IRAG2: variants seen among roughly 807,000 people sequenced by gnomAD.
IRAG2 encodes the protein lymphoid restricted membrane protein.
IRAG2 carries 45 observed loss-of-function variants against 69.9 expected under a neutral mutation model. That is an observed-to-expected ratio of 0.64 (90% CI 0.51 to 0.83). The LOEUF (loss-of-function observed/expected upper bound fraction) is 0.83. IRAG2 is among the 40% of genes least tolerant of loss of function. The pLI is 0.00. For missense variants in IRAG2, 520 were observed against 587.0 expected (o/e 0.89, Z 1.18); for synonymous variants, 193 against 202.4 (o/e 0.95, Z 0.40).
chr12:25,044,114 A>T (rs1049112279), intron 16 of IRAG2, among the ~76,000 whole-genome samples: 1 of 152,162 alleles, frequency 6.6e-6, no homozygotes, highest in African/African-American at 2.4e-5. Flanking sequence ...AACTAAAAAT[A>T]TGTAAATTAT....
At chr12:25,105,967 T>C (rs888322241) in intron 20 of IRAG2, among the ~76,000 whole-genome samples, 1 of 145,654 alleles carries the variant, frequency 6.9e-6, no homozygotes, top group Admixed American at 6.6e-5. Context: ...GGAACAATTA[T>C]GTTTTGCTTA....
At chr12:25,040,329 G>A (rs537984573) in intron 16 of IRAG2, among the ~76,000 whole-genome samples, 53 of 152,122 alleles carry the variant, frequency 3.5e-4, no homozygotes, top group Non-Finnish European at 6.8e-4. Context: ...GCAACATAGC[G>A]AGACCCTGTC....
intron 1 of IRAG2, among the ~76,000 whole-genome samples, chr12:25,057,036 T>C (rs183446442): frequency 6.6e-6 from 1 of 152,196 alleles, no homozygotes; most frequent in Non-Finnish European, 1.5e-5. Context: ...ACATTTGCCT[T>C]TCACCCCACC....
chr12:25,057,684 C>G (rs571532533), intron 1 of IRAG2, among the ~76,000 whole-genome samples: 16 of 152,100 alleles, frequency 1.1e-4, no homozygotes, highest in African/African-American at 3.6e-4. Flanking sequence ...GTTCAGATCT[C>G]GAGTATACTA....
At chr12:25,032,378 A>G (rs550065591) in intron 12 of IRAG2, 1 of 399,040 alleles carries the variant, frequency 2.5e-6, no homozygotes, top group East Asian at 3.6e-5. Context: ...ACGTAAGTAG[A>G]GGGCAACCCT....
rs187747079 is a variant in IRAG2 at position 25,041,196 on chromosome 12, G to T, written c.2144+3059G>T. ...GAAGCCGCCATGGCTGGGGCAGGGT[G>T]GGGGGTAAGCAGTGGTAGGATGTGG... On this transcript the variant is annotated intron_variant, in intron 16 of 38. Transcript: ENST00000636465. 2.3e-3 allele frequency among the ~76,000 whole-genome samples: 352 copies of T among 152,202 alleles called. 1 individual carries two copies. The highest frequency in any genetic ancestry group is 8.0e-3 in the African/African-American group (334 of 41,506).
chr12:25,080,753 G>A (rs1388430163), intron 9 of IRAG2, among the ~76,000 whole-genome samples: 1 of 151,970 alleles, frequency 6.6e-6, no homozygotes, highest in Admixed American at 6.5e-5. Context: ...CCATTTCATG[G>A]GTTAATTACA....
chr12:25,010,220 T>C (rs1462664594), intron 2 of IRAG2, among the ~76,000 whole-genome samples: 3 of 152,208 alleles, frequency 2.0e-5, no homozygotes, highest in South Asian at 2.1e-4. Context: ...CTCACACCTG[T>C]AATCTCAGCA....
intron 17 of IRAG2, 51 bp from the exon 18 acceptor site, chr12:25,103,786 A>G (rs747943497): frequency 2.3e-5 from 30 of 1,294,326 alleles, no homozygotes; most frequent in Non-Finnish European, 3.4e-5. Context: ...GTTGCATATA[A>G]TGATAAATTA....
upstream of IRAG2, among the ~76,000 whole-genome samples, chr12:25,050,548 CAAACAAAA>C (rs1944843584): frequency 1.3e-5 from 1 of 74,180 alleles, no homozygotes; most frequent in African/African-American, 4.7e-5. Context: ...AACAAACAAA[CAAACAAAA>C]AAAAACAGTT....
At chr12:25,105,400 G>A (rs538194887) in intron 20 of IRAG2, among the ~76,000 whole-genome samples, 1 of 152,220 alleles carries the variant, frequency 6.6e-6, no homozygotes, top group Non-Finnish European at 1.5e-5. Context: ...CTGTTAAAGT[G>A]AAGGATCTTA....
upstream of IRAG2, among the ~76,000 whole-genome samples, chr12:25,003,262 G>A (rs757433491): frequency 1.3e-5 from 2 of 152,142 alleles, no homozygotes; most frequent in Non-Finnish European, 2.9e-5. Flanking sequence ...TTTGAAATCA[G>A]TAATTCCATA....
intron 10 of IRAG2, among the ~76,000 whole-genome samples, chr12:25,084,563 G>A (rs1024783379): frequency 6.6e-6 from 1 of 150,836 alleles, no homozygotes; most frequent in African/African-American, 2.4e-5. Context: ...GTGTGTGTGT[G>A]TGTGTATTAT....
At chr12:25,053,998 G>A (rs547028942) in intron 1 of IRAG2, among the ~76,000 whole-genome samples, 1 of 152,204 alleles carries the variant, frequency 6.6e-6, no homozygotes, top group South Asian at 2.1e-4. Flanking sequence ...TTGGGAGGCC[G>A]AGGTGGGCAG....
intron 12 of IRAG2, chr12:25,033,669 T>G (rs1259295651): frequency 2.6e-6 from 1 of 382,598 alleles, no homozygotes; most frequent in Non-Finnish European, 4.6e-6. Context: ...CTCACCAGTC[T>G]GTGCAGCTCC....
chr12:25,094,295 T>C (rs1402309191), intron 14 of IRAG2, among the ~76,000 whole-genome samples: 2 of 152,206 alleles, frequency 1.3e-5, no homozygotes, highest in Non-Finnish European at 2.9e-5. Context: ...TTTCATTCTT[T>C]TGCATGTGGA....
intron 6 of IRAG2, among the ~76,000 whole-genome samples, chr12:25,017,541 A>C (rs1396074333): frequency 6.6e-6 from 1 of 152,116 alleles, no homozygotes; most frequent in East Asian, 1.9e-4. Context: ...AACATGGTGA[A>C]ACTCCATCCC....
At chr12:25,034,842 C>T (rs915705019) in intron 13 of IRAG2, among the ~76,000 whole-genome samples, 1 of 152,208 alleles carries the variant, frequency 6.6e-6, no homozygotes, top group Non-Finnish European at 1.5e-5. Context: ...CTGAAGCCAT[C>T]TCCGGCAGCC....
intron 6 of IRAG2, among the ~76,000 whole-genome samples, chr12:25,070,784 G>C (rs61914770): frequency 0.25 from 38,441 of 152,040 alleles, 5,210 homozygotes; most frequent in Admixed American, 0.3. Context: ...CGGTTTCTCT[G>C]TATCCTCATT....
Sources: gnomAD v4.1 joint callset for allele counts (sites outside exome capture counted in the v4.1 genomes callset) on GRCh38, gnomAD v4.1.1 for gene constraint, MANE v1.5 for transcripts, NCBI Gene and HGNC (gene_info 2026-07-23, HGNC 2026-07-21) for gene names.